The following FBXL13 variants were observed in gnomAD, a reference collection of about 807,000 sequenced individuals.
FBXL13 encodes the protein F-box and leucine-rich repeat protein 13.
Under a neutral mutation model 83.6 loss-of-function variants are expected in FBXL13, and 67 were observed. The observed-to-expected ratio is 0.80, with a 90% CI of 0.66 to 0.98. FBXL13 has a LOEUF of 0.98. FBXL13 is among the 50% of genes least tolerant of loss of function. The probability of loss-of-function intolerance (pLI) is 0.00; values close to 1 mark genes in which losing one functional copy is unlikely to be tolerated. For missense variants in FBXL13, 822 were observed against 866.5 expected (o/e 0.95, Z 0.64); for synonymous variants, 272 against 299.5 (o/e 0.91, Z 0.95).
At chr7:102,932,722 A>G (rs1169035801) in intron 8 of FBXL13, among the ~76,000 whole-genome samples, 2 of 151,926 alleles carry the variant, frequency 1.3e-5, no homozygotes, top group East Asian at 1.9e-4. Flanking sequence ...AGCAACCCCT[A>G]CTGTCATTCC....
intron 18 of FBXL13, among the ~76,000 whole-genome samples, chr7:102,826,724 CAT>C (rs58307950): frequency 0.011 from 669 of 62,206 alleles, 4 homozygotes; most frequent in Admixed American, 0.015. Flanking sequence ...GACCCTGTCT[CAT>C]ATATATATAT....
intron 6 of FBXL13, among the ~76,000 whole-genome samples, chr7:102,994,427 G>GAAA (rs11404663): frequency 2.7e-5 from 4 of 147,734 alleles, no homozygotes; most frequent in Non-Finnish European, 3.0e-5. Flanking sequence ...TCTCCAAGAG[G>GAAA]AAAAAAAAAA....
intron 8 of FBXL13, among the ~76,000 whole-genome samples, chr7:102,956,592 TTGTCCC>T (rs1824310472): frequency 6.6e-6 from 1 of 152,172 alleles, no homozygotes; most frequent in South Asian, 2.1e-4. Flanking sequence ...GGAAGTCAAA[TTGTCCC>T]TGTTTGCAGA....
chr7:103,014,537 C>T (rs957169767), intron 6 of FBXL13, among the ~76,000 whole-genome samples: 4 of 152,102 alleles, frequency 2.6e-5, no homozygotes, highest in African/African-American at 7.2e-5. Flanking sequence ...CCAACATTAT[C>T]CTGATACCAA....
Position 102,959,702 on chromosome 7 carries a change from G to A in FBXL13, c.724+3831C>T, listed in dbSNP as rs529665401. On this transcript the variant is annotated intron_variant, in intron 8 of 19. Transcript: ENST00000313221. ...AATACTTATATGATAGATAGAAAAC[G>A]CATCTCAAAGGATATATAGGTTAAA... Among the ~76,000 whole-genome samples, 108 of 151,900 alleles carry A rather than the reference G, an allele frequency of 7.1e-4. 1 individual carries two copies. Among genetic ancestry groups the A allele is most frequent in the African/African-American group, 2.3e-3 (96 of 41,442 alleles).
chr7:103,007,637 C>CA (rs1177664688), intron 6 of FBXL13, among the ~76,000 whole-genome samples: 1 of 152,036 alleles, frequency 6.6e-6, no homozygotes, highest in Non-Finnish European at 1.5e-5. Context: ...AAAAAGAGCA[C>CA]AAAAAATGAA....
At chr7:103,043,797 A>G (rs1795996603) in intron 2 of FBXL13, among the ~76,000 whole-genome samples, 1 of 152,244 alleles carries the variant, frequency 6.6e-6, no homozygotes, top group Non-Finnish European at 1.5e-5. Flanking sequence ...TACAGGTGTG[A>G]GCCACTGCAC....
rs1412433873 is a variant in FBXL13 at position 102,972,595 on chromosome 7, T to C, written c.496-4478A>G. 2.0e-5 allele frequency among the ~76,000 whole-genome samples: 3 copies of C among 152,212 alleles called. No homozygotes were observed. In the East Asian group the frequency reaches 5.8e-4, roughly 29 times the overall value. On this transcript the variant is annotated intron_variant, in intron 6 of 19. Transcript: ENST00000313221. ...GCGCTAAAATCTGACTTCACCACTA[T>C]ACCATTCATCAATGTAACCAAAAAC...
chr7:103,033,244 A>G (rs1196981257), intron 2 of FBXL13, among the ~76,000 whole-genome samples: 7 of 152,120 alleles, frequency 4.6e-5, no homozygotes, highest in Admixed American at 3.9e-4. Flanking sequence ...GGGGAGCCAC[A>G]TGTCATCTGT....
At chr7:102,838,742 G>A (rs566763476) in intron 17 of FBXL13, among the ~76,000 whole-genome samples, 1 of 152,266 alleles carries the variant, frequency 6.6e-6, no homozygotes, top group African/African-American at 2.4e-5. Context: ...CAGGCAGTAT[G>A]CTGGGTAAAA....
intron 5 of FBXL13, among the ~76,000 whole-genome samples, chr7:103,025,753 A>T (rs534679131): frequency 6.6e-6 from 1 of 152,126 alleles, no homozygotes; most frequent in Admixed American, 6.5e-5. Context: ...ATATTGATGT[A>T]ATATATATAT....
At chr7:102,871,719 C>T (rs574369830) in intron 16 of FBXL13, among the ~76,000 whole-genome samples, 2 of 152,114 alleles carry the variant, frequency 1.3e-5, no homozygotes, top group East Asian at 3.9e-4. Context: ...ATTCCAAAGC[C>T]AGAACTTTTA....
chr7:102,885,104 A>G (rs943736602), intron 11 of FBXL13, among the ~76,000 whole-genome samples: 2 of 152,148 alleles, frequency 1.3e-5, no homozygotes, highest in African/African-American at 4.8e-5. Flanking sequence ...ATGTACATCT[A>G]TTTGTTTGAA....
At chr7:103,006,191 T>TGGAG (rs1264577730) in intron 6 of FBXL13, among the ~76,000 whole-genome samples, 2 of 152,196 alleles carry the variant, frequency 1.3e-5, no homozygotes, top group Non-Finnish European at 2.9e-5. Flanking sequence ...AGACAGATCT[T>TGGAG]GGAGTTCAAG....
intron 6 of FBXL13, among the ~76,000 whole-genome samples, chr7:102,996,450 C>T (rs1033617761): frequency 6.6e-6 from 1 of 152,064 alleles, no homozygotes; most frequent in African/African-American, 2.4e-5. Context: ...GTTGTTTTGC[C>T]TTTTTACTGC....
intron 16 of FBXL13, among the ~76,000 whole-genome samples, chr7:102,870,755 C>T (rs1324813625): frequency 7.9e-5 from 12 of 151,998 alleles, no homozygotes. Flanking sequence ...AATGTTCTTT[C>T]AAATTTTGGT....
chr7:102,961,983 A>C (rs1252925088), intron 8 of FBXL13, among the ~76,000 whole-genome samples: 21 of 149,862 alleles, frequency 1.4e-4, no homozygotes, highest in Non-Finnish European at 2.7e-4. Flanking sequence ...AAAATTGACA[A>C]ATGGGATCTA....
intron 2 of FBXL13, among the ~76,000 whole-genome samples, chr7:103,044,428 A>G (rs1796064675): frequency 6.6e-6 from 1 of 152,240 alleles, no homozygotes; most frequent in East Asian, 1.9e-4. Context: ...GGACTAGATG[A>G]CATTCAGGAA....
chr7:103,025,712 C>T (rs891359931), intron 5 of FBXL13, among the ~76,000 whole-genome samples: 1 of 152,052 alleles, frequency 6.6e-6, no homozygotes, highest in African/African-American at 2.4e-5. Flanking sequence ...GTATTTCAGT[C>T]ATAAACATAT....
Sources: gnomAD v4.1 joint callset for allele counts (sites outside exome capture counted in the v4.1 genomes callset) on GRCh38, gnomAD v4.1.1 for gene constraint, MANE v1.5 for transcripts, NCBI Gene and HGNC (gene_info 2026-07-23, HGNC 2026-07-21) for gene names.